Variants in PDE6B observed in about 807,000 individuals in gnomAD.
The protein encoded by PDE6B is rod cGMP-specific 3',5'-cyclic phosphodiesterase subunit beta.
PDE6B carries 106 observed loss-of-function variants against 109.0 expected under a neutral mutation model. That is an observed-to-expected ratio of 0.97 (90% CI 0.83 to 1.14). The LOEUF (loss-of-function observed/expected upper bound fraction) is 1.14. Among genes scored for constraint, PDE6B ranks in the 50% most tolerant of loss-of-function variants. The probability of loss-of-function intolerance (pLI) is 0.00; values close to 1 mark genes in which losing one functional copy is unlikely to be tolerated. For missense variants in PDE6B, 1,193 were observed against 1,155.6 expected (o/e 1.03, Z -0.47); for synonymous variants, 490 against 471.3 (o/e 1.04, Z -0.51).
intron 5 of PDE6B, chr4:654,516 G>C: frequency 1.7e-6 from 1 of 590,030 alleles, no homozygotes; most frequent in Non-Finnish European, 3.1e-6. Context: ...GGGATTGTGC[G>C]GAACACAGAC....
At position 643,852 on chromosome 4, in the gene PDE6B, A is replaced by C. The variant is rs1408332081; in HGVS notation, c.711+7883A>C. On this transcript the variant is annotated intron_variant, in intron 3 of 21. Transcript: ENST00000496514. ...CAATACTATAAATTTCCCTCCAAGC[A>C]CTGCTTTCCCTGCACCTGACAAATT... Among the ~76,000 whole-genome samples, 3 of 149,772 alleles carry C rather than the reference A, an allele frequency of 2.0e-5. No homozygotes were observed. The East Asian group carries it at 5.8e-4, about 29-fold the overall frequency.
In PDE6B at chr4:625,733, G is replaced by A; in HGVS notation, c.107G>A (p.Cys36Tyr). 1 of 1,613,502 alleles carries A rather than the reference G, an allele frequency of 6.2e-7. No homozygotes were observed. Among genetic ancestry groups the A allele is most frequent in the Non-Finnish European group, 8.5e-7 (1 of 1,179,934 alleles). ...KLSPENVAAA[C>Y]EDGCPPDCDS... ...AGCCCTGAGAATGTGGCCGCGGCCTGCGAGGACGGGTGCCCGCCGGACTGC... is the reference window on the plus strand; with the variant it reads ...AGCCCTGAGAATGTGGCCGCGGCCTACGAGGACGGGTGCCCGCCGGACTGC... Residue 36 changes from cysteine (C) to tyrosine (Y), a missense_variant, in exon 1 of 22, where the codon TGC becomes TAC. Coordinates refer to ENST00000496514, the MANE Select transcript of PDE6B (RefSeq NM_000283.4). This position sits in a 1 kb window ranked among gnomAD's most constrained non-coding sequence, Gnocchi z 5.0.
In PDE6B at chr4:634,771, C is replaced by T. The variant is rs375253226; in HGVS notation, c.563C>T (p.Ala188Val). Residue 188 changes from alanine to valine, a missense_variant, in exon 2 of 22, where the codon GCG becomes GTG. Physicochemically the swap from Ala to Val is moderately conservative, Grantham distance 64 (BLOSUM62 0). Transcript: ENST00000496514. Reference protein sequence around the residue: ...TPIMNGKDVVAVIMAVNKLNG... With the variant: ...TPIMNGKDVVVVIMAVNKLNG... ...ATCATGAATGGCAAAGACGTCGTGG[C>T]GGTGATCATGGCAGTGAACAAGCTC... 2.9e-5 allele frequency: 46 copies of T among 1,613,558 alleles called. No individual in the cohort carries two copies. The highest frequency in any genetic ancestry group is 8.0e-5 in the African/African-American group (6 of 75,016).
In PDE6B at chr4:666,662, G is replaced by A. The variant is rs112285653; in HGVS notation, c.2352+48G>A. The A allele has an allele frequency of 8.3e-6, 11 of 1,327,752 alleles. No individual in the cohort carries two copies. The African/African-American group carries it at 1.6e-4, about 19-fold the overall frequency. 82.2% of individuals were successfully genotyped at this position (1,327,752 alleles called of 1,614,324 possible). A position where few individuals can be genotyped will look rare whatever the true frequency, so the allele number is the denominator to read the frequency against. Reference sequence around the variant, plus strand: ...GAGCTGACTGGGGCAGGGTGGCTGGGAGCAGGCAAGGGGGCGCGGGCTGGA... The same window carrying A: ...GAGCTGACTGGGGCAGGGTGGCTGGAAGCAGGCAAGGGGGCGCGGGCTGGA... On this transcript the variant is annotated intron_variant, in intron 20 of 21. Transcript: ENST00000496514. This position sits in a 1 kb window ranked among gnomAD's most constrained non-coding sequence, Gnocchi z 5.6.
At chr4:667,351 A>G (rs1737911884) in intron 20 of PDE6B, among the ~76,000 whole-genome samples, 1 of 152,162 alleles carries the variant, frequency 6.6e-6, no homozygotes, top group Non-Finnish European at 1.5e-5. Context: ...AGGTGGGACA[A>G]GGGTGGATAT....
At chr4:659,905 G>A (rs551032850) in intron 11 of PDE6B, among the ~76,000 whole-genome samples, 2 of 152,318 alleles carry the variant, frequency 1.3e-5, no homozygotes, top group East Asian at 1.9e-4. Flanking sequence ...AGAATCTCCC[G>A]GGGCCACGAG....
chr4:662,440 C>G lies in PDE6B; in HGVS notation c.1723-69C>G. ...ACCTCCAACCCGACGCCTAGGTCATCCCAACCCCTCACCACTCCCCACCCT... is the reference window on the plus strand; with the variant it reads ...ACCTCCAACCCGACGCCTAGGTCATGCCAACCCCTCACCACTCCCCACCCT... On this transcript the variant is annotated intron_variant, in intron 13 of 21. Transcript: ENST00000496514. This position sits in a 1 kb window ranked among gnomAD's most constrained non-coding sequence, Gnocchi z 4.3. The G allele has an allele frequency of 8.7e-7, 1 of 1,147,024 alleles. No homozygotes were observed. The highest frequency in any genetic ancestry group is 1.2e-5 in the South Asian group (1 of 81,274). The allele number at this position is 1,147,024 out of a possible 1,614,324, so 71.1% of individuals were successfully genotyped here. A position where few individuals can be genotyped will look rare whatever the true frequency, so the allele number is the denominator to read the frequency against.
Position 665,376 on chromosome 4 carries a change from G to T in PDE6B, c.2268+47G>T, listed in dbSNP as rs751213223. On this transcript the variant is annotated intron_variant, in intron 19 of 21. Coordinates refer to ENST00000496514, the MANE Select transcript of PDE6B (RefSeq NM_000283.4). This position sits in a 1 kb window ranked among gnomAD's most constrained non-coding sequence, Gnocchi z 4.0. ...TTCCACTCCTGAAACGGGTGTTAGA[G>T]ACCCCTCTTGGTCCTCAGGAGCCTC... 2.3e-5 allele frequency: 31 copies of T among 1,365,286 alleles called. No homozygotes were observed. The highest frequency in any genetic ancestry group is 3.2e-5 in the Non-Finnish European group (31 of 956,108). 84.6% of individuals were successfully genotyped at this position (1,365,286 alleles called of 1,614,324 possible).
intron 9 of PDE6B, 107 bp downstream of exon 9, chr4:657,130 A>G: frequency 1.6e-6 from 2 of 1,285,084 alleles, no homozygotes; most frequent in South Asian, 2.4e-5. Flanking sequence ...GCGTGTGCTC[A>G]TGTGTGTGCG....
In PDE6B at chr4:659,282, C is replaced by T. The variant is rs553675872; in HGVS notation, c.1467+265C>T. 2.6e-5 allele frequency among the ~76,000 whole-genome samples: 4 copies of T among 152,298 alleles called. No individual in the cohort carries two copies. In the East Asian group the frequency reaches 5.8e-4, roughly 22 times the overall value. The stretch of plus-strand genomic sequence containing the variant: ...ATGTCTGCACTCCTGAGTGTATCTT[C>T]GTGTCTTCCTGTCTCCTCTGTGCTT... On this transcript the variant is annotated intron_variant, in intron 11 of 21. Transcript: ENST00000496514.
At chr4:630,186 T>G (rs1734315329) in intron 1 of PDE6B, among the ~76,000 whole-genome samples, 1 of 152,000 alleles carries the variant, frequency 6.6e-6, no homozygotes, top group Non-Finnish European at 1.5e-5. Context: ...CATTTCACAA[T>G]GGGTGGGGCA....
chr4:657,388 C>T lies in PDE6B; in HGVS notation c.1295C>T (p.Thr432Ile), dbSNP rs775120495. 3.0e-5 allele frequency: 49 copies of T among 1,613,008 alleles called. No homozygotes were observed. The highest frequency in any genetic ancestry group is 1.6e-4 in the Middle Eastern group (1 of 6,084). ...TQFLGWSVMN[T>I]DTYDKMNKLE... is the part of the protein sequence containing the mutation. ...TTCCTGGGCTGGTCAGTGATGAACA[C>T]CGACACCTACGACAAGATGAACAAG... Residue 432 changes from threonine (T) to isoleucine (I), a missense_variant, in exon 10 of 22, where the codon ACC becomes ATC. Transcript: ENST00000496514.
In PDE6B at chr4:648,109, G is replaced by T. The variant is rs1426870954; in HGVS notation, c.712-5743G>T. 2.6e-5 allele frequency among the ~76,000 whole-genome samples: 4 copies of T among 151,836 alleles called. No homozygotes were observed. The highest frequency in any genetic ancestry group is 9.7e-5 in the African/African-American group (4 of 41,202). ...AAAGAAAGAAAGAGCCAAGAGTCAG[G>T]CGTATTTGCCCGTTCTGTTGTCTGG... On this transcript the variant is annotated intron_variant, in intron 3 of 21. Coordinates refer to ENST00000496514, the MANE Select transcript of PDE6B (RefSeq NM_000283.4). This position sits in a 1 kb window ranked among gnomAD's most constrained non-coding sequence, Gnocchi z 4.5.
intron 10 of PDE6B, among the ~76,000 whole-genome samples, chr4:658,547 GCT>G (rs1476051160): frequency 1.3e-5 from 2 of 152,102 alleles, no homozygotes; most frequent in Non-Finnish European, 2.9e-5. Context: ...AGGGGTCACA[GCT>G]CTCTCTGTGT....
In PDE6B at chr4:654,115, G is replaced by T. The variant is rs1270535721; in HGVS notation, c.888G>T (p.Glu296Asp). 6.2e-7 allele frequency: 1 copy of T among 1,613,778 alleles called. No homozygotes were observed. The highest frequency in any genetic ancestry group is 1.7e-5 in the Admixed American group (1 of 60,028). The change falls in exon 5 of 22, where the codon GAG becomes GAT. Residue 296 changes from glutamate to aspartate, a missense_variant. Coordinates refer to ENST00000496514, the MANE Select transcript of PDE6B (RefSeq NM_000283.4). ...ACGTGTGGTCTGTGCTGATGGGAGA[G>T]TCCCAGCCGTACTCGGGCCCACGCA... ...FFDVWSVLMG[E>D]SQPYSGPRTP...
chr4:626,076 C>G lies in PDE6B; in HGVS notation c.450C>G (p.Asn150Lys). 6.3e-7 allele frequency: 1 copy of G among 1,586,206 alleles called. No individual in the cohort carries two copies. The highest frequency in any genetic ancestry group is 8.6e-7 in the Non-Finnish European group (1 of 1,165,722). ...TGGCTCAGACCAAAAAGATGGTGAA[C>G]GTCGAGGACGTGGCCGAGGTGGGTC... ...GHVAQTKKMV[N>K]VEDVAECPHF... Residue 150 changes from asparagine to lysine, a missense_variant, in exon 1 of 22, where the codon AAC becomes AAG. Physicochemically the swap from Asn to Lys is moderately conservative, Grantham distance 94. Coordinates refer to ENST00000496514, the MANE Select transcript of PDE6B (RefSeq NM_000283.4). This position sits in a 1 kb window ranked among gnomAD's most constrained non-coding sequence, Gnocchi z 4.6.
In PDE6B at chr4:663,690, CGAGGCGGA is replaced by C; in HGVS notation, c.1921-79_1921-72del. On this transcript the variant is annotated intron_variant, in intron 15 of 21. Transcript: ENST00000496514. The surrounding 1 kb of genome is among the most constrained non-coding windows in gnomAD (Gnocchi z 4.0). ...CGGGGGCGTGAGAGGCACAGGCAGC[CGAGGCGGA>C]AGGGGCGGGGTCCCCGGGCACCCTG... The C allele has an allele frequency of 9.7e-7, 1 of 1,033,798 alleles. No individual in the cohort carries two copies. The highest frequency in any genetic ancestry group is 1.5e-6 in the Non-Finnish European group (1 of 664,618). 64.0% of individuals were successfully genotyped at this position (1,033,798 alleles called of 1,614,324 possible).
At chr4:634,655 C>A in intron 1 of PDE6B, 22 bp from the exon 2 acceptor site, 1 of 1,606,070 alleles carries the variant, frequency 6.2e-7, no homozygotes, top group Non-Finnish European at 8.5e-7. Flanking sequence ...GCCTCTTTAG[C>A]CTCTTTCCTC....
chr4:635,823 G>C, intron 2 of PDE6B, 57 bp from the exon 3 acceptor site: 1 of 914,900 alleles, frequency 1.1e-6, no homozygotes, highest in Non-Finnish European at 1.8e-6. Flanking sequence ...AATACCCACG[G>C]GGGCACATGT....
Sources: gnomAD v4.1 joint callset for allele counts (sites outside exome capture counted in the v4.1 genomes callset) on GRCh38, gnomAD v4.1.1 for gene constraint, Gnocchi (gnomAD v3.1) non-coding constraint, MANE v1.5 for transcripts, NCBI Gene and HGNC (gene_info 2026-07-23, HGNC 2026-07-21) for gene names.